Variants in STK24 observed in about 807,000 individuals in gnomAD.
STK24 encodes serine/threonine kinase 24.
Under a neutral mutation model 55.6 loss-of-function variants are expected in STK24, and 21 were observed. The ratio of observed to expected loss-of-function variants is 0.38; its 90% CI spans 0.27 to 0.54. The LOEUF (loss-of-function observed/expected upper bound fraction) is 0.54, where lower values mean the gene tolerates loss of function less well. Ranked by LOEUF, STK24 falls within the 20% of genes least tolerant of loss-of-function variation. The pLI is 0.79. For synonymous variants in STK24, 200 were observed against 215.2 expected, an observed-to-expected ratio of 0.93 and a Z score of 0.62; for missense variants, 383 against 538.4, an observed-to-expected ratio of 0.71 and a Z score of 2.86.
chr13:98,481,756 GCAGA>G (rs1233686524), intron 3 of STK24, among the ~76,000 whole-genome samples: 2 of 151,584 alleles, frequency 1.3e-5, no homozygotes, highest in Non-Finnish European at 2.9e-5. Flanking sequence ...GGTTTCAAAA[GCAGA>G]CAGACAGGCA....
chr13:98,483,180 G>A (rs868412286), intron 2 of STK24, among the ~76,000 whole-genome samples: 29 of 152,232 alleles, frequency 1.9e-4, no homozygotes, highest in Non-Finnish European at 3.5e-4. Flanking sequence ...TCTGGATCCC[G>A]ACTCCCACTT....
intron 1 of STK24, among the ~76,000 whole-genome samples, chr13:98,529,266 C>G (rs1199803802): frequency 6.6e-6 from 1 of 152,190 alleles, no homozygotes; most frequent in East Asian, 1.9e-4. Flanking sequence ...CTCTCTCACC[C>G]CAACATGCAA....
intron 5 of STK24, among the ~76,000 whole-genome samples, chr13:98,473,605 C>A (rs1206596588): frequency 3.3e-5 from 5 of 152,310 alleles, no homozygotes; most frequent in Non-Finnish European, 7.3e-5. Context: ...GGTAGAGACA[C>A]TCCCAGGCAA....
At chr13:98,454,938 TAAAGTTTTAAACAC>T (rs1468857977) in intron 10 of STK24, 1 of 152,248 alleles carries the variant, frequency 6.6e-6, no homozygotes, top group Non-Finnish European at 1.5e-5. Flanking sequence ...CACTGCAAAG[TAAAGTTTTAAACAC>T]AACACAGACA....
intron 6 of STK24, among the ~76,000 whole-genome samples, chr13:98,464,409 A>T (rs1264855204): frequency 6.6e-6 from 1 of 150,814 alleles, no homozygotes; most frequent in African/African-American, 2.4e-5. Flanking sequence ...ACAGAGCAAG[A>T]CTCTGTCTCA....
At position 98,446,046 on chromosome 13, in the gene STK24, C is replaced by T. The variant is rs1382345468; in HGVS notation, c.*7127G>A. 1.6e-6 allele frequency: 2 copies of T among 1,252,586 alleles called. No individual in the cohort carries two copies. Among genetic ancestry groups the T allele is most frequent in the African/African-American group, 1.5e-5 (1 of 68,086 alleles). The allele number at this position is 1,252,586 out of a possible 1,614,324, so 77.6% of individuals were successfully genotyped here. A position where few individuals can be genotyped will look rare whatever the true frequency, so the allele number is the denominator to read the frequency against. ...GTGCAGGGAGAGCTGCTCTCTGTGCCCTCCTGGGGCAGGTGCCCGCTGTGC... is the reference window on the plus strand; with the variant it reads ...GTGCAGGGAGAGCTGCTCTCTGTGCTCTCCTGGGGCAGGTGCCCGCTGTGC... On this transcript the variant is annotated 3_prime_UTR_variant, in exon 11 of 11. Coordinates refer to ENST00000539966, the MANE Select transcript of STK24 (RefSeq NM_001032296.4).
Position 98,446,306 on chromosome 13 carries a change from C to T in STK24, c.*6867G>A. The T allele has an allele frequency of 2.7e-6, 2 of 741,434 alleles. No homozygotes were observed. Among genetic ancestry groups the T allele is most frequent in the East Asian group, 5.1e-5 (2 of 39,574 alleles). The allele number at this position is 741,434 out of a possible 1,614,324, so 45.9% of individuals were successfully genotyped here. A position where few individuals can be genotyped will look rare whatever the true frequency, so the allele number is the denominator to read the frequency against. ...TGGAATGACTCAGGCCTCTTGGGCT[C>T]CAGGTGTCACGGGGATGACAGGGAT... On this transcript the variant is annotated 3_prime_UTR_variant, in exon 11 of 11. Transcript: ENST00000539966.
rs1396105703 is a variant in STK24 at position 98,446,428 on chromosome 13, C to T, written c.*6745G>A. ...CAACTTCTGCCCTAGGAAGGGCCAC[C>T]TGTCTTCTGCCTGGACAAGGGACGG... On this transcript the variant is annotated 3_prime_UTR_variant, in exon 11 of 11. Coordinates refer to ENST00000539966, the MANE Select transcript of STK24 (RefSeq NM_001032296.4). 1.2e-5 allele frequency: 7 copies of T among 602,498 alleles called. No individual in the cohort carries two copies. The highest frequency in any genetic ancestry group is 1.8e-5 in the Non-Finnish European group (6 of 340,130). The allele number at this position is 602,498 out of a possible 1,614,324, so 37.3% of individuals were successfully genotyped here.
At chr13:98,483,051 G>C (rs1776991339) in intron 2 of STK24, among the ~76,000 whole-genome samples, 1 of 152,236 alleles carries the variant, frequency 6.6e-6, no homozygotes, top group African/African-American at 2.4e-5. Context: ...ATGACTTGCA[G>C]AGTTCTCTTT....
chr13:98,519,150 G>C, intron 2 of STK24, 93 bp downstream of exon 2: 1 of 986,466 alleles, frequency 1.0e-6, no homozygotes, highest in Non-Finnish European at 1.6e-6. Flanking sequence ...TCTGAAACCT[G>C]CTGTGCTTTG....
chr13:98,566,194 T>A (rs1897565779), intron 1 of STK24, among the ~76,000 whole-genome samples: 2 of 152,176 alleles, frequency 1.3e-5, no homozygotes, highest in South Asian at 4.1e-4. Context: ...ATTTTTCTTT[T>A]CCTCAAAAAA....
At chr13:98,529,526 A>T (rs1356489456) in intron 1 of STK24, among the ~76,000 whole-genome samples, 1 of 152,140 alleles carries the variant, frequency 6.6e-6, no homozygotes, top group Non-Finnish European at 1.5e-5. Flanking sequence ...CTCCTTTCTA[A>T]TCCCCTCACT....
chr13:98,511,923 CAG>C (rs562860312), intron 2 of STK24, among the ~76,000 whole-genome samples: 2 of 130,628 alleles, frequency 1.5e-5, no homozygotes, highest in South Asian at 2.3e-4. Flanking sequence ...TTTTTTGAGA[CAG>C]AGTCTCGCTG....
chr13:98,532,287 C>A (rs1181581181), intron 1 of STK24, among the ~76,000 whole-genome samples: 1 of 152,138 alleles, frequency 6.6e-6, no homozygotes, highest in East Asian at 1.9e-4. Context: ...CCTTTTTCAT[C>A]TTTTACCTCT....
At chr13:98,510,812 A>G (rs1296095628) in intron 2 of STK24, among the ~76,000 whole-genome samples, 1 of 152,184 alleles carries the variant, frequency 6.6e-6, no homozygotes, top group African/African-American at 2.4e-5. Flanking sequence ...AATGTTCTAA[A>G]ATTGTGGTGA....
chr13:98,534,682 G>A (rs1014804490), intron 1 of STK24, among the ~76,000 whole-genome samples: 1 of 152,134 alleles, frequency 6.6e-6, no homozygotes, highest in African/African-American at 2.4e-5. Context: ...GTGCCACCCA[G>A]ACCGGTAATC....
intron 1 of STK24, among the ~76,000 whole-genome samples, chr13:98,555,518 G>C (rs1173079246): frequency 6.6e-6 from 1 of 151,600 alleles, no homozygotes; most frequent in Non-Finnish European, 1.5e-5. Flanking sequence ...GGCGGAGCTT[G>C]CAGTGAGCCG....
chr13:98,445,952 C>T lies in STK24; in HGVS notation c.*7221G>A. On this transcript the variant is annotated 3_prime_UTR_variant, in exon 11 of 11. Transcript: ENST00000539966. ...GGGTCCCAGGACCTGCCAAGTCTCCCCACACACGGGGGAGCGGGGGTGGGG... is the reference window on the plus strand; with the variant it reads ...GGGTCCCAGGACCTGCCAAGTCTCCTCACACACGGGGGAGCGGGGGTGGGG... The T allele has an allele frequency of 1.7e-6, 1 of 599,252 alleles. No homozygotes were observed. Among genetic ancestry groups the T allele is most frequent in the Admixed American group, 3.0e-5 (1 of 33,350 alleles). 37.1% of individuals were successfully genotyped at this position (599,252 alleles called of 1,614,324 possible).
In STK24 at chr13:98,519,369, C is replaced by T; in HGVS notation, c.147G>A (p.Val49=). 1 of 1,614,240 alleles carries T rather than the reference C, an allele frequency of 6.2e-7. No individual in the cohort carries two copies. Among genetic ancestry groups the T allele is most frequent in the African/African-American group, 1.3e-5 (1 of 75,064 alleles). The change falls in exon 2 of 11, where the codon GTG becomes GTA. Residue 49 remains valine (V), a synonymous_variant. Transcript: ENST00000539966. The part of the protein sequence containing the change: ...FKGIDNRTQK[V]VAIKIIDLEE... ...CCAGATCAATGATCTTTATGGCAAC[C>T]ACTTTCTGAGTCCGATTGTCAATGC...
Sources: allele counts gnomAD v4.1 joint callset (sites outside exome capture counted in the v4.1 genomes callset), GRCh38; gene constraint gnomAD v4.1.1; transcripts MANE v1.5; gene names NCBI Gene and HGNC (gene_info 2026-07-23, HGNC 2026-07-21).